Variants in COLGALT2 observed in about 807,000 individuals in gnomAD.
COLGALT2 encodes procollagen galactosyltransferase 2.
Under a neutral mutation model 73.4 loss-of-function variants are expected in COLGALT2, and 49 were observed. That is an observed-to-expected ratio of 0.67 (90% CI 0.53 to 0.85). COLGALT2 has a LOEUF of 0.85. Ranked by LOEUF, COLGALT2 falls within the 40% of genes least tolerant of loss-of-function variation. COLGALT2 has a pLI of 0.00. For synonymous variants in COLGALT2, 295 were observed against 307.6 expected, an observed-to-expected ratio of 0.96 and a Z score of 0.43; for missense variants, 722 against 790.2, an observed-to-expected ratio of 0.91 and a Z score of 1.03.
In COLGALT2 at chr1:183,937,501, C is replaced by T. The variant is rs1669987832; in HGVS notation, c.*1260G>A. ...GTCCGCCTGGGATTCTAAGAGCTTC[C>T]CTGGTTGCTGGCCTAAATCAGGTGA... On this transcript the variant is annotated 3_prime_UTR_variant, in exon 12 of 12. Transcript: ENST00000361927. 1.0e-6 allele frequency: 1 copy of T among 985,400 alleles called. No individual in the cohort carries two copies. Among genetic ancestry groups the T allele is most frequent in the African/African-American group, 1.7e-5 (1 of 57,318 alleles). 61.0% of individuals were successfully genotyped at this position (985,400 alleles called of 1,614,324 possible). A position where few individuals can be genotyped will look rare whatever the true frequency, so the allele number is the denominator to read the frequency against.
intron 1 of COLGALT2, among the ~76,000 whole-genome samples, chr1:184,002,422 A>G (rs576576452): frequency 6.6e-6 from 1 of 152,372 alleles, no homozygotes; most frequent in Non-Finnish European, 1.5e-5. Context: ...ATCTGAAAGA[A>G]GAAACAGCAA....
intron 9 of COLGALT2, among the ~76,000 whole-genome samples, chr1:183,944,676 GC>G (rs1670202629): frequency 6.6e-6 from 1 of 152,106 alleles, no homozygotes; most frequent in Admixed American, 6.5e-5. Flanking sequence ...TGACCAGAAG[GC>G]AGTACGGGGT....
chr1:183,998,665 A>G (rs1489244486), intron 1 of COLGALT2, among the ~76,000 whole-genome samples: 4 of 152,080 alleles, frequency 2.6e-5, no homozygotes, highest in African/African-American at 9.7e-5. Context: ...GTCTGGAGAG[A>G]ATCATTATCT....
chr1:183,981,540 C>A (rs533444941), intron 1 of COLGALT2, among the ~76,000 whole-genome samples: 1 of 151,898 alleles, frequency 6.6e-6, no homozygotes, highest in South Asian at 2.1e-4. Flanking sequence ...CCTGTTAGTC[C>A]CAGCTACTTG....
In COLGALT2 at chr1:183,944,234, C is replaced by T. The variant is rs772283700; in HGVS notation, c.1359G>A (p.Met453Ile). ...CCAGCTGAGCCTGGTCAATGTTATC[C>T]ATCAGCTTCATCAGCTTCTTCTTAA... is the stretch of plus-strand genomic sequence containing the variant. ...HQFKKKLMKL[M>I]DNIDQAQLDW... Residue 453 changes from methionine to isoleucine, a missense_variant, in exon 10 of 12, where the codon ATG becomes ATA. By Grantham distance (10) the Met-to-Ile change is conservative (BLOSUM62 1). Transcript: ENST00000361927. The T allele has an allele frequency of 5.0e-6, 8 of 1,613,826 alleles. No homozygotes were observed. Among genetic ancestry groups the T allele is most frequent in the Admixed American group, 1.7e-5 (1 of 59,952 alleles).
chr1:184,002,691 G>A (rs1318181921), intron 1 of COLGALT2, among the ~76,000 whole-genome samples: 3 of 152,080 alleles, frequency 2.0e-5, no homozygotes, highest in African/African-American at 7.2e-5. Context: ...TTGGTACAGT[G>A]AAAAAAGGAC....
chr1:183,970,797 A>G (rs1385365524), intron 4 of COLGALT2, among the ~76,000 whole-genome samples: 1 of 152,256 alleles, frequency 6.6e-6, no homozygotes, highest in Non-Finnish European at 1.5e-5. Context: ...GCAATTCATT[A>G]TATGAAGTAT....
rs141010065 is a variant in COLGALT2 at position 183,990,403 on chromosome 1, G to A, written c.264-11883C>T. Among the ~76,000 whole-genome samples, 284 of 152,336 alleles carry A rather than the reference G, an allele frequency of 1.9e-3. 1 individual carries two copies. Among genetic ancestry groups the A allele is most frequent in the African/African-American group, 6.4e-3 (266 of 41,584 alleles). On this transcript the variant is annotated intron_variant, in intron 1 of 11. Coordinates refer to ENST00000361927, the MANE Select transcript of COLGALT2 (RefSeq NM_015101.4). ...CTGGCTATGCATGTCCTCTGTGCCG[G>A]TGATCGTGGCACTTGCTGGAAAGCA...
intron 1 of COLGALT2, among the ~76,000 whole-genome samples, chr1:183,996,699 A>G (rs144849360): frequency 1.3e-5 from 2 of 152,314 alleles, no homozygotes; most frequent in East Asian, 3.9e-4. Context: ...ACACAGGGCA[A>G]GGGTGCTAAC....
At chr1:184,036,666 C>T (rs539604865) in intron 1 of COLGALT2, among the ~76,000 whole-genome samples, 282 of 152,328 alleles carry the variant, frequency 1.9e-3, no homozygotes, top group Non-Finnish European at 3.1e-3. Flanking sequence ...TTCCATCTGT[C>T]GTATCTACAT....
chr1:183,945,606 G>T lies in COLGALT2; in HGVS notation c.1137-42C>A, dbSNP rs756996479. 6 of 1,609,424 alleles carry T rather than the reference G, an allele frequency of 3.7e-6. No homozygotes were observed. In the East Asian group the frequency reaches 8.9e-5, roughly 24 times the overall value. ...ACGTCTGGAGATTAACAAGTCAAAG[G>T]TCCCCACCACAAAGGCCAGAGAAAG... On this transcript the variant is annotated intron_variant, in intron 8 of 11. Transcript: ENST00000361927.
intron 1 of COLGALT2, 116 bp from the exon 2 acceptor site, chr1:183,978,636 A>G: frequency 1.8e-6 from 1 of 569,320 alleles, no homozygotes; most frequent in Non-Finnish European, 3.1e-6. Flanking sequence ...AAAAAATTGT[A>G]TATATGAAAA....
chr1:184,023,645 G>T (rs1037712875), intron 1 of COLGALT2, among the ~76,000 whole-genome samples: 265 of 10,110 alleles, frequency 0.026, 9 homozygotes, highest in East Asian at 0.14. Context: ...GCGTGAGGTG[G>T]GGGGGGGGGG....
intron 1 of COLGALT2, among the ~76,000 whole-genome samples, chr1:184,019,828 A>G (rs1050038662): frequency 6.6e-6 from 1 of 152,204 alleles, no homozygotes; most frequent in Non-Finnish European, 1.5e-5. Context: ...GCAGGATCCA[A>G]AACACTGATC....
chr1:183,981,033 TA>T (rs1038630021), intron 1 of COLGALT2, among the ~76,000 whole-genome samples: 1 of 151,880 alleles, frequency 6.6e-6, no homozygotes, highest in Non-Finnish European at 1.5e-5. Flanking sequence ...AAGCAGATAC[TA>T]AAAAAATAAG....
intron 1 of COLGALT2, among the ~76,000 whole-genome samples, chr1:184,027,221 G>A (rs1272936083): frequency 6.6e-6 from 1 of 152,108 alleles, no homozygotes; most frequent in African/African-American, 2.4e-5. Flanking sequence ...TAAGCATCTG[G>A]AATCTGAAGT....
At chr1:183,972,563 A>C (rs938363674) in intron 4 of COLGALT2, among the ~76,000 whole-genome samples, 5 of 150,970 alleles carry the variant, frequency 3.3e-5, no homozygotes, top group Non-Finnish European at 7.4e-5. Context: ...CTATGAAAAA[A>C]AGAAATAATA....
Position 183,936,072 on chromosome 1 carries a change from T to C in COLGALT2, c.*2689A>G. On this transcript the variant is annotated 3_prime_UTR_variant, in exon 12 of 12. Transcript: ENST00000361927. The stretch of plus-strand genomic sequence containing the variant: ...CACAGCAGCACCAGCACTGCTGATG[T>C]CACGGTTGTCTGTCCAGAAGATCCC... 1 of 985,466 alleles carries C rather than the reference T, an allele frequency of 1.0e-6. No individual in the cohort carries two copies. Among genetic ancestry groups the C allele is most frequent in the Non-Finnish European group, 1.2e-6 (1 of 829,976 alleles). The allele number at this position is 985,466 out of a possible 1,614,324, so 61.0% of individuals were successfully genotyped here. A position where few individuals can be genotyped will look rare whatever the true frequency, so the allele number is the denominator to read the frequency against.
At chr1:183,978,593 G>A in intron 1 of COLGALT2, 73 bp from the exon 2 acceptor site, 4 of 855,020 alleles carry the variant, frequency 4.7e-6, no homozygotes, top group South Asian at 3.6e-5. Flanking sequence ...AAAGACCCCT[G>A]ACTAACTGAA....
Sources: allele counts gnomAD v4.1 joint callset (sites outside exome capture counted in the v4.1 genomes callset), GRCh38; gene constraint gnomAD v4.1.1; transcripts MANE v1.5; gene names NCBI Gene and HGNC (gene_info 2026-07-23, HGNC 2026-07-21).